SASH1: variants seen among roughly 807,000 people sequenced by gnomAD.
The protein encoded by SASH1 is SAM and SH3 domain containing 1, also known as SAM and SH3 domain-containing protein 1.
In SASH1, 44 loss-of-function variants were observed where a neutral mutation model predicts 125.2. The ratio of observed to expected loss-of-function variants is 0.35; its 90% CI spans 0.28 to 0.45. The LOEUF (loss-of-function observed/expected upper bound fraction) is 0.45, where lower values mean the gene tolerates loss of function less well. Among genes scored for constraint, SASH1 ranks in the 20% least tolerant of loss-of-function variants. The pLI, the probability that SASH1 is intolerant of heterozygous loss-of-function variation, is 1.00. For synonymous variants in SASH1, 639 were observed against 649.1 expected (o/e 0.98, Z 0.24); for missense variants, 1,426 against 1,614.5 (o/e 0.88, Z 2.00).
intron 7 of SASH1, among the ~76,000 whole-genome samples, chr6:148,481,575 T>C (rs1043841478): frequency 1.3e-5 from 2 of 152,188 alleles, no homozygotes; most frequent in Non-Finnish European, 2.9e-5. Context: ...TGCAGGGTTA[T>C]TAATTGGCCT....
chr6:148,447,622 CCCTT>C (rs1248537402), intron 4 of SASH1, among the ~76,000 whole-genome samples: 1 of 151,912 alleles, frequency 6.6e-6, no homozygotes, highest in East Asian at 1.9e-4. Context: ...CATCCTCCTC[CCCTT>C]CCTTCTCCTC....
chr6:148,351,758 T>C (rs1343807164), intron 1 of SASH1, among the ~76,000 whole-genome samples: 1 of 151,514 alleles, frequency 6.6e-6, no homozygotes, highest in Non-Finnish European at 1.5e-5. Context: ...AATTTTGTAT[T>C]GGTCTTGCTG....
chr6:148,417,039 T>C (rs1489183381), intron 2 of SASH1, among the ~76,000 whole-genome samples: 5 of 152,162 alleles, frequency 3.3e-5, no homozygotes, highest in Non-Finnish European at 1.5e-5. Flanking sequence ...TGTCTGCTCA[T>C]AGCTAGGTCT....
the SASH1 span, among the ~76,000 whole-genome samples, chr6:148,249,067 GATGAATGAATGAATGA>G: frequency 6.6e-6 from 1 of 151,906 alleles, no homozygotes; most frequent in African/African-American, 2.4e-5. Flanking sequence ...ATGAATAACT[GATGAATGAATGAATGA>G]ATGAATGAAT....
chr6:148,324,833 G>C (rs558898476), intron 1 of SASH1, among the ~76,000 whole-genome samples: 2 of 152,242 alleles, frequency 1.3e-5, no homozygotes, highest in South Asian at 4.2e-4. Flanking sequence ...GGTCAAACTA[G>C]GACGGCTGGG....
intron 1 of SASH1, among the ~76,000 whole-genome samples, chr6:148,334,535 G>A (rs1263083168): frequency 3.3e-5 from 5 of 151,922 alleles, no homozygotes; most frequent in African/African-American, 4.8e-5. Flanking sequence ...TTCGAGGCCG[G>A]GTGCAGTGGC....
At chr6:148,233,700 G>C in the SASH1 span, among the ~76,000 whole-genome samples, 3 of 135,152 alleles carry the variant, frequency 2.2e-5, no homozygotes, top group Non-Finnish European at 4.6e-5. Context: ...TTTGAGACCA[G>C]CTTAGGCAAC....
chr6:148,408,264 C>T lies in SASH1; in HGVS notation c.285+18002C>T, dbSNP rs961442833. ...CAGGGACTACAGGTGCCCGCCACCA[C>T]GCCCGGCTAATTTTTGTATTTTTAG... On this transcript the variant is annotated intron_variant, in intron 2 of 19. Transcript: ENST00000367467. 2.6e-5 allele frequency among the ~76,000 whole-genome samples: 4 copies of T among 151,130 alleles called. No individual in the cohort carries two copies. In the South Asian group the frequency reaches 8.4e-4, roughly 32 times the overall value.
intron 1 of SASH1, among the ~76,000 whole-genome samples, chr6:148,277,997 G>A (rs1779232734): frequency 6.6e-6 from 1 of 151,982 alleles, no homozygotes; most frequent in African/African-American, 2.4e-5. Context: ...TTGCAGGCGT[G>A]AGCCACTGCT....
chr6:148,208,230 A>AT, the SASH1 span, among the ~76,000 whole-genome samples: 1 of 152,202 alleles, frequency 6.6e-6, no homozygotes, highest in Non-Finnish European at 1.5e-5. Context: ...CCACTTAATG[A>AT]TTTTGGAAGA....
chr6:148,317,698 TAC>T (rs1780517717), intron 1 of SASH1, among the ~76,000 whole-genome samples: 1 of 152,200 alleles, frequency 6.6e-6, no homozygotes, highest in East Asian at 1.9e-4. Flanking sequence ...GTGCTGGGAT[TAC>T]AGTCGTGAGC....
intron 1 of SASH1, among the ~76,000 whole-genome samples, chr6:148,318,135 C>A (rs926828745): frequency 6.6e-6 from 1 of 152,174 alleles, no homozygotes; most frequent in Admixed American, 6.5e-5. Context: ...GGCATTCATT[C>A]ATTCTTTCAT....
the SASH1 span, among the ~76,000 whole-genome samples, chr6:148,207,285 G>A: frequency 6.6e-6 from 1 of 152,198 alleles, no homozygotes; most frequent in Non-Finnish European, 1.5e-5. Context: ...GTGCCAGTGT[G>A]ACTTAGGAAC....
At chr6:148,479,130 C>G (rs1342266824) in intron 7 of SASH1, 1 of 151,024 alleles carries the variant, frequency 6.6e-6, no homozygotes, top group Non-Finnish European at 1.5e-5. Context: ...CTCACTGCAG[C>G]CTCCACCTCC....
intron 1 of SASH1, among the ~76,000 whole-genome samples, chr6:148,362,606 G>A (rs1021641702): frequency 5.9e-5 from 9 of 151,366 alleles, no homozygotes; most frequent in Admixed American, 2.6e-4. Context: ...ATGAGGAAAC[G>A]GAGGCTTAGG....
chr6:148,284,982 C>T (rs1046460912), intron 1 of SASH1, among the ~76,000 whole-genome samples: 9 of 152,136 alleles, frequency 5.9e-5, no homozygotes, highest in Non-Finnish European at 1.2e-4. Flanking sequence ...ACAAAACAAA[C>T]AAACCAACAA....
At chr6:148,322,600 T>A (rs999204188) in intron 1 of SASH1, among the ~76,000 whole-genome samples, 1 of 152,192 alleles carries the variant, frequency 6.6e-6, no homozygotes, top group Non-Finnish European at 1.5e-5. Flanking sequence ...GACTCCAAAA[T>A]GCATGCTCAG....
At chr6:148,510,033 C>G (rs1254714494) in intron 8 of SASH1, among the ~76,000 whole-genome samples, 37 of 152,168 alleles carry the variant, frequency 2.4e-4, no homozygotes, top group Admixed American at 2.4e-3. Context: ...TTTAAAGCAG[C>G]TATAGTTTTG....
At chr6:148,254,479 C>G in the SASH1 span, among the ~76,000 whole-genome samples, 1 of 152,058 alleles carries the variant, frequency 6.6e-6, no homozygotes, top group Non-Finnish European at 1.5e-5. Flanking sequence ...GGCAATATAG[C>G]AAGACTCTAT....
Sources: allele counts gnomAD v4.1 joint callset (sites outside exome capture counted in the v4.1 genomes callset), GRCh38; gene constraint gnomAD v4.1.1; transcripts MANE v1.5; gene names NCBI Gene and HGNC (gene_info 2026-07-23, HGNC 2026-07-21).